The following STARD10 variants were observed in gnomAD, a reference collection of about 807,000 sequenced individuals.
STARD10 encodes StAR related lipid transfer domain containing 10.
Under a neutral mutation model 36.0 loss-of-function variants are expected in STARD10, and 24 were observed. The ratio of observed to expected loss-of-function variants is 0.67; its 90% CI spans 0.48 to 0.94. The LOEUF is 0.94. Among genes scored for constraint, STARD10 ranks in the 40% least tolerant of loss-of-function variants. The probability of loss-of-function intolerance (pLI) is 0.00; values close to 1 mark genes in which losing one functional copy is unlikely to be tolerated. For missense variants in STARD10, 335 were observed against 396.6 expected (o/e 0.84, Z 1.32); for synonymous variants, 156 against 161.9 (o/e 0.96, Z 0.28).
chr11:72,763,502 C>T (rs564522820), intron 2 of STARD10, among the ~76,000 whole-genome samples: 2 of 152,258 alleles, frequency 1.3e-5, no homozygotes, highest in East Asian at 1.9e-4. Context: ...ATACAGGTAT[C>T]ACTTCTGTGC....
chr11:72,781,708 G>C lies in STARD10; in HGVS notation c.-113-414C>G, dbSNP rs1859000814. Reference sequence around the variant, plus strand: ...GGGGCCCGCCGGGGCCGGGGTGCCAGCGCCGCCGCCGCAGCTGCCCGGGAG... The same window carrying C: ...GGGGCCCGCCGGGGCCGGGGTGCCACCGCCGCCGCCGCAGCTGCCCGGGAG... On this transcript the variant is annotated intron_variant, in intron 1 of 6. Transcript: ENST00000334805. This position sits in a 1 kb window ranked among gnomAD's most constrained non-coding sequence, Gnocchi z 4.7. The C allele has an allele frequency of 6.8e-6, 1 of 148,082 alleles. No individual in the cohort carries two copies. The highest frequency in any genetic ancestry group is 1.5e-5 in the Non-Finnish European group (1 of 66,428). 9.2% of individuals were successfully genotyped at this position (148,082 alleles called of 1,614,324 possible). A position where few individuals can be genotyped will look rare whatever the true frequency, so the allele number is the denominator to read the frequency against.
Position 72,781,735 on chromosome 11 carries a change from C to G in STARD10, c.-113-441G>C, listed in dbSNP as rs1037351535. On this transcript the variant is annotated intron_variant, in intron 1 of 6. Transcript: ENST00000334805. The surrounding 1 kb of genome is among the most constrained non-coding windows in gnomAD (Gnocchi z 4.7). Reference sequence around the variant, plus strand: ...GCCGCCGCCGCAGCTGCCCGGGAGACCCGGGGCCGCGCGGGGGCTCTGGTG... The same window carrying G: ...GCCGCCGCCGCAGCTGCCCGGGAGAGCCGGGGCCGCGCGGGGGCTCTGGTG... The G allele has an allele frequency of 3.4e-5, 5 of 148,294 alleles. No individual in the cohort carries two copies. The highest frequency in any genetic ancestry group is 1.2e-4 in the African/African-American group (5 of 40,964). The allele number at this position is 148,294 out of a possible 1,614,324, so 9.2% of individuals were successfully genotyped here.
chr11:72,758,537 TTGAC>T lies in STARD10; in HGVS notation c.448_451del (p.Val150AsnfsTer50). On this transcript the variant is annotated frameshift_variant, in exon 4 of 7. Transcript: ENST00000334805. LOFTEE classifies it high-confidence loss of function. The stretch of plus-strand genomic sequence containing the variant: ...GAAGGCAGGTTGACTCACGGGATGT[TTGAC>T]TGAGTAGTTCATAATGATGTAATCA... The T allele has an allele frequency of 1.2e-6, 2 of 1,613,726 alleles. No homozygotes were observed. Among genetic ancestry groups the T allele is most frequent in the Non-Finnish European group, 1.7e-6 (2 of 1,179,768 alleles).
At position 72,761,917 on chromosome 11, in the gene STARD10, C is replaced by CTTTTCTTT. The variant is rs1555023007; in HGVS notation, c.208-2537_208-2536insAAAGAAAA. Among the ~76,000 whole-genome samples, 65 of 37,482 alleles carry CTTTTCTTT rather than the reference C, an allele frequency of 1.7e-3. 1 individual carries two copies. Among genetic ancestry groups the CTTTTCTTT allele is most frequent in the African/African-American group, 5.0e-3 (41 of 8,194 alleles). The allele number at this position is 37,482 out of a possible 152,430, so 24.6% of individuals were successfully genotyped here. A position where few individuals can be genotyped will look rare whatever the true frequency, so the allele number is the denominator to read the frequency against. On this transcript the variant is annotated intron_variant, in intron 2 of 6. Coordinates refer to ENST00000334805, the MANE Select transcript of STARD10 (RefSeq NM_006645.3). ...TCTGTATTTCTTTTTCTTTTCTTTT[C>CTTTTCTTT]TTTTTTTTTTTTTTTTTTTTTTTTT...
intron 2 of STARD10, among the ~76,000 whole-genome samples, chr11:72,776,269 G>A (rs1261443261): frequency 1.3e-5 from 2 of 152,148 alleles, no homozygotes; most frequent in Admixed American, 1.3e-4. Flanking sequence ...AGCCTCTACA[G>A]ACCACCTGCC....
intron 1 of STARD10, among the ~76,000 whole-genome samples, chr11:72,792,107 T>C (rs1694665773): frequency 7.2e-6 from 1 of 138,330 alleles, no homozygotes; most frequent in African/African-American, 2.7e-5. Flanking sequence ...TGGAGTACAG[T>C]GGCGCCATCT....
At chr11:72,763,835 A>C (rs538599016) in intron 2 of STARD10, among the ~76,000 whole-genome samples, 1 of 152,298 alleles carries the variant, frequency 6.6e-6, no homozygotes, top group African/African-American at 2.4e-5. Flanking sequence ...CAAATGTTCA[A>C]CACGCACTCA....
In STARD10 at chr11:72,781,429, C is replaced by G; in HGVS notation, c.-113-135G>C. On this transcript the variant is annotated intron_variant, in intron 1 of 6. Coordinates refer to ENST00000334805, the MANE Select transcript of STARD10 (RefSeq NM_006645.3). This position sits in a 1 kb window ranked among gnomAD's most constrained non-coding sequence, Gnocchi z 4.7. The stretch of plus-strand genomic sequence containing the variant: ...AGGGCGGACGGGCGCTGGACAGCCT[C>G]GGGGTCCCCCTCCCGAGGAGCGCCC... 1.9e-6 allele frequency: 1 copy of G among 526,888 alleles called. No individual in the cohort carries two copies. The allele number at this position is 526,888 out of a possible 1,614,324, so 32.6% of individuals were successfully genotyped here. A position where few individuals can be genotyped will look rare whatever the true frequency, so the allele number is the denominator to read the frequency against.
rs574733007 is a variant in STARD10 at position 72,781,146 on chromosome 11, C to G, written c.36G>C (p.Gly12=). The change falls in exon 2 of 7, where the codon GGG becomes GGC. Residue 12 remains glycine (G), a synonymous_variant. Coordinates refer to ENST00000334805, the MANE Select transcript of STARD10 (RefSeq NM_006645.3). The surrounding 1 kb of genome is among the most constrained non-coding windows in gnomAD (Gnocchi z 4.7). ...TCTCACGGCCCAGGACCGGCCGAGGCCCTTGGGGCTCTGTAGAGGCCGCCA... is the reference window on the plus strand; with the variant it reads ...TCTCACGGCCCAGGACCGGCCGAGGGCCTTGGGGCTCTGTAGAGGCCGCCA... ...EKLAASTEPQ[G]PRPVLGRESV... is the part of the protein sequence containing the mutation. 45 of 1,612,828 alleles carry G rather than the reference C, an allele frequency of 2.8e-5. No individual in the cohort carries two copies. In the South Asian group the frequency reaches 4.5e-4, roughly 16 times the overall value.
intron 2 of STARD10, among the ~76,000 whole-genome samples, chr11:72,776,198 C>T (rs1858928514): frequency 6.6e-6 from 1 of 152,182 alleles, no homozygotes; most frequent in South Asian, 2.1e-4. Flanking sequence ...AAGACCTTAG[C>T]CACCATCCTC....
At chr11:72,755,164 G>T (rs555363429) in intron 6 of STARD10, 22 bp from the exon 7 acceptor site, 5 of 1,599,316 alleles carry the variant, frequency 3.1e-6, no homozygotes, top group Non-Finnish European at 4.3e-6. Flanking sequence ...CCGCCCCGCC[G>T]GGTCAGGGGG....
intron 2 of STARD10, among the ~76,000 whole-genome samples, chr11:72,779,346 A>C (rs2135623691): frequency 6.6e-6 from 1 of 152,230 alleles, no homozygotes; most frequent in Admixed American, 6.5e-5. Flanking sequence ...AGAGGACAGG[A>C]CCTGAGAGGC....
At chr11:72,786,232 G>A (rs1859069089) in intron 1 of STARD10, among the ~76,000 whole-genome samples, 1 of 152,178 alleles carries the variant, frequency 6.6e-6, no homozygotes, top group South Asian at 2.1e-4. Flanking sequence ...CACACCTGAG[G>A]TCTCAGCTAG....
At chr11:72,765,769 G>A (rs1297245870) in intron 2 of STARD10, among the ~76,000 whole-genome samples, 6 of 147,552 alleles carry the variant, frequency 4.1e-5, no homozygotes, top group African/African-American at 1.0e-4. Context: ...TCAGGAGTTC[G>A]AGACCAGCCT....
chr11:72,754,882 G>T lies in STARD10; in HGVS notation c.*15C>A. 6.3e-7 allele frequency: 1 copy of T among 1,592,782 alleles called. No homozygotes were observed. The highest frequency in any genetic ancestry group is 8.5e-7 in the Non-Finnish European group (1 of 1,175,722). On this transcript the variant is annotated 3_prime_UTR_variant, in exon 7 of 7. Transcript: ENST00000334805. ...CTCGCCCGGTCCTGTCTCCGTCCCT[G>T]AAGCGGTGCGGCGCTCAGGTGAGCG...
At position 72,781,187 on chromosome 11, in the gene STARD10, G is replaced by C; in HGVS notation, c.-6C>G. On this transcript the variant is annotated 5_prime_UTR_variant, in exon 2 of 7. Coordinates refer to ENST00000334805, the MANE Select transcript of STARD10 (RefSeq NM_006645.3). This position sits in a 1 kb window ranked among gnomAD's most constrained non-coding sequence, Gnocchi z 4.7. ...GAGGCCGCCAGCTTCTCCATGGGGAGTGTGGGGAGGCCCAGGGCCCTGGTC... is the reference window on the plus strand; with the variant it reads ...GAGGCCGCCAGCTTCTCCATGGGGACTGTGGGGAGGCCCAGGGCCCTGGTC... The C allele has an allele frequency of 1.2e-6, 2 of 1,607,246 alleles. No individual in the cohort carries two copies. The highest frequency in any genetic ancestry group is 1.3e-5 in the African/African-American group (1 of 75,036).
At chr11:72,772,117 C>T (rs866166684) in intron 2 of STARD10, among the ~76,000 whole-genome samples, 3 of 152,346 alleles carry the variant, frequency 2.0e-5, no homozygotes, top group Middle Eastern at 3.4e-3. Flanking sequence ...CCATAGCAGT[C>T]ACGGTTCTCC....
intron 6 of STARD10, 164 bp from the exon 7 acceptor site, chr11:72,755,306 CTTTTTTT>C (rs542293512): frequency 2.9e-4 from 104 of 356,746 alleles, no homozygotes; most frequent in African/African-American, 1.6e-3. Flanking sequence ...ATTCTCCATT[CTTTTTTT>C]TTTTTTTTTT....
intron 2 of STARD10, among the ~76,000 whole-genome samples, chr11:72,772,318 C>T (rs1052288311): frequency 2.0e-5 from 3 of 151,808 alleles, no homozygotes; most frequent in African/African-American, 7.3e-5. Context: ...TCTCCCTGTG[C>T]CCAGTGCTGC....
Sources: gnomAD v4.1 joint callset for allele counts (sites outside exome capture counted in the v4.1 genomes callset) on GRCh38, gnomAD v4.1.1 for gene constraint, Gnocchi (gnomAD v3.1) non-coding constraint, MANE v1.5 for transcripts, NCBI Gene and HGNC (gene_info 2026-07-23, HGNC 2026-07-21) for gene names.